The following FYN variants were observed in gnomAD, a reference collection of about 807,000 sequenced individuals.
The protein encoded by FYN is tyrosine-protein kinase Fyn.
In FYN, 10 loss-of-function variants were observed where a neutral mutation model predicts 70.2. The ratio of observed to expected loss-of-function variants is 0.14; its 90% CI spans 0.09 to 0.24. The LOEUF is 0.24. Among genes scored for constraint, FYN ranks in the 10% least tolerant of loss-of-function variants. The probability of loss-of-function intolerance (pLI) is 1.00; values close to 1 mark genes in which losing one functional copy is unlikely to be tolerated. For synonymous variants in FYN, 236 were observed against 248.6 expected, an observed-to-expected ratio of 0.95 and a Z score of 0.48; for missense variants, 319 against 673.1, an observed-to-expected ratio of 0.47 and a Z score of 5.82.
chr6:111,850,756 C>T (rs1773662408), intron 1 of FYN, among the ~76,000 whole-genome samples: 1 of 152,188 alleles, frequency 6.6e-6, no homozygotes, highest in East Asian at 1.9e-4. Flanking sequence ...CTCCCTGAGG[C>T]CTGTGCAGCT....
At chr6:111,774,090 T>A (rs1356928818) in intron 3 of FYN, among the ~76,000 whole-genome samples, 1 of 152,206 alleles carries the variant, frequency 6.6e-6, no homozygotes, top group Non-Finnish European at 1.5e-5. Flanking sequence ...GTACTCTCTC[T>A]CACACCTGCA....
chr6:111,703,956 C>A (rs1363405088), intron 7 of FYN, 43 bp downstream of exon 7: 1 of 1,470,362 alleles, frequency 6.8e-7, no homozygotes, highest in Non-Finnish European at 9.5e-7. Flanking sequence ...GACTAATCCA[C>A]AGATTTGAAT....
intron 1 of FYN, among the ~76,000 whole-genome samples, chr6:111,854,892 C>G (rs1301929723): frequency 6.6e-6 from 1 of 152,200 alleles, no homozygotes; most frequent in African/African-American, 2.4e-5. Flanking sequence ...GCAACTACTT[C>G]AAATGTTAAT....
chr6:111,682,153 G>A (rs925326363), intron 12 of FYN, among the ~76,000 whole-genome samples: 3 of 152,174 alleles, frequency 2.0e-5, no homozygotes, highest in Non-Finnish European at 2.9e-5. Flanking sequence ...ACACCCTGAC[G>A]GTCAAAGTAA....
At chr6:111,871,586 C>T (rs922561700) in intron 1 of FYN, among the ~76,000 whole-genome samples, 1 of 152,200 alleles carries the variant, frequency 6.6e-6, no homozygotes, top group Non-Finnish European at 1.5e-5. Context: ...TTTCAAAAGA[C>T]TTCAGTACAG....
chr6:111,799,467 A>T (rs1296987641), intron 2 of FYN, among the ~76,000 whole-genome samples: 1 of 152,210 alleles, frequency 6.6e-6, no homozygotes, highest in Non-Finnish European at 1.5e-5. Flanking sequence ...CTTAATAACA[A>T]GTGTACCAAT....
intron 3 of FYN, chr6:111,754,745 AG>A (rs1210735790): frequency 1.3e-5 from 2 of 152,144 alleles, no homozygotes; most frequent in East Asian, 3.8e-4. Flanking sequence ...GTTTCCTGAG[AG>A]GCTTCCTTAA....
chr6:111,738,748 C>T (rs1801815293), intron 3 of FYN, among the ~76,000 whole-genome samples: 1 of 152,170 alleles, frequency 6.6e-6, no homozygotes, highest in Non-Finnish European at 1.5e-5. Flanking sequence ...GAATGTGATC[C>T]TCCCTGGCTG....
At chr6:111,872,339 G>A (rs889858862) in intron 1 of FYN, among the ~76,000 whole-genome samples, 3 of 148,388 alleles carry the variant, frequency 2.0e-5, no homozygotes, top group African/African-American at 7.4e-5. Flanking sequence ...GAGCTGGAGG[G>A]AGCAGAGGGG....
At chr6:111,756,004 T>A (rs1583411385) in intron 3 of FYN, among the ~76,000 whole-genome samples, 1 of 151,312 alleles carries the variant, frequency 6.6e-6, no homozygotes, top group African/African-American at 2.4e-5. Flanking sequence ...AAGAAGAAAA[T>A]AATAAAGGGT....
chr6:111,796,166 C>T (rs538990221), intron 2 of FYN, among the ~76,000 whole-genome samples: 2 of 152,258 alleles, frequency 1.3e-5, no homozygotes, highest in East Asian at 1.9e-4. Flanking sequence ...ATTAGTCTGA[C>T]GTTTGAGCTA....
At chr6:111,711,397 C>G (rs892218797) in intron 5 of FYN, among the ~76,000 whole-genome samples, 31 of 152,120 alleles carry the variant, frequency 2.0e-4, no homozygotes, top group African/African-American at 7.5e-4. Context: ...AATGTGAAAA[C>G]AAGGAATAAA....
chr6:111,667,491 C>G (rs1238139008), intron 13 of FYN, among the ~76,000 whole-genome samples: 1 of 152,032 alleles, frequency 6.6e-6, no homozygotes, highest in Admixed American at 6.5e-5. Flanking sequence ...TGGCCTCAAG[C>G]GATCCTCCCT....
intron 3 of FYN, among the ~76,000 whole-genome samples, chr6:111,772,776 A>G (rs900976921): frequency 1.3e-5 from 2 of 151,562 alleles, no homozygotes; most frequent in Admixed American, 6.6e-5. Context: ...GTCATTGTTT[A>G]AAGTTATATA....
chr6:111,663,917 G>T (rs2237251), intron 13 of FYN, among the ~76,000 whole-genome samples: 1 of 151,866 alleles, frequency 6.6e-6, no homozygotes, highest in East Asian at 1.9e-4. Flanking sequence ...AGATAAACGC[G>T]GACAGAGGCC....
chr6:111,797,711 T>C (rs58526077), intron 2 of FYN, among the ~76,000 whole-genome samples: 27,590 of 100,360 alleles, frequency 0.27, 4,176 homozygotes, highest in African/African-American at 0.45. Flanking sequence ...TATATATATA[T>C]ACACACACAC....
At chr6:111,761,126 A>G (rs1268156575) in intron 3 of FYN, among the ~76,000 whole-genome samples, 2 of 152,222 alleles carry the variant, frequency 1.3e-5, no homozygotes, top group Non-Finnish European at 2.9e-5. Flanking sequence ...AGATATCTAC[A>G]ACTCAACATA....
At chr6:111,761,039 G>T (rs536282029) in intron 3 of FYN, among the ~76,000 whole-genome samples, 6 of 152,318 alleles carry the variant, frequency 3.9e-5, no homozygotes, top group African/African-American at 1.4e-4. Context: ...GTGAGATGAT[G>T]AAACTGTGGT....
chr6:111,816,983 T>A (rs1029568140), intron 2 of FYN, among the ~76,000 whole-genome samples: 4 of 152,222 alleles, frequency 2.6e-5, no homozygotes, highest in Admixed American at 2.6e-4. Flanking sequence ...ATTTGATGAA[T>A]GAATGTCACC....
Sources: allele counts gnomAD v4.1 joint callset (sites outside exome capture counted in the v4.1 genomes callset), GRCh38; gene constraint gnomAD v4.1.1; transcripts MANE v1.5; gene names NCBI Gene and HGNC (gene_info 2026-07-23, HGNC 2026-07-21).